SMG6: variants seen among roughly 807,000 people sequenced by gnomAD.
The protein encoded by SMG6 is telomerase-binding protein EST1A.
A neutral mutation model predicts 142.2 loss-of-function variants in SMG6; 66 were observed. That is an observed-to-expected ratio of 0.46 (90% confidence interval 0.38 to 0.57). SMG6 has a LOEUF of 0.57. SMG6 is among the 20% of genes least tolerant of loss of function. SMG6 has a pLI of 0.00. For missense variants in SMG6, 1,793 were observed against 1,832.0 expected, an observed-to-expected ratio of 0.98 and a Z score of 0.39; for synonymous variants, 779 against 702.4, an observed-to-expected ratio of 1.11 and a Z score of -1.72.
chr17:2,114,964 T>TAAAATAAAAAAAA (rs58282463), intron 13 of SMG6, among the ~76,000 whole-genome samples: 3 of 59,578 alleles, frequency 5.0e-5, no homozygotes, highest in Admixed American at 1.9e-4. Context: ...AAAAATGAAA[T>TAAAATAAAAAAAA]GAAATGAAAT....
chr17:2,197,421 C>A (rs763994372), intron 10 of SMG6, among the ~76,000 whole-genome samples: 4 of 151,886 alleles, frequency 2.6e-5, no homozygotes, highest in Non-Finnish European at 5.9e-5. Context: ...ATTTAATTAG[C>A]TGGATGTGGT....
intron 10 of SMG6, among the ~76,000 whole-genome samples, chr17:2,227,814 A>G (rs929023585): frequency 1.3e-5 from 2 of 152,252 alleles, no homozygotes; most frequent in African/African-American, 2.4e-5. Flanking sequence ...GTAACCATCA[A>G]TAGACTCAAT....
chr17:2,111,145 T>C (rs2069304317), intron 13 of SMG6, among the ~76,000 whole-genome samples: 1 of 152,136 alleles, frequency 6.6e-6, no homozygotes, highest in Non-Finnish European at 1.5e-5. Context: ...GCAGGCCCTA[T>C]TCAAACCACC....
In SMG6 at chr17:2,162,636, C is replaced by A. The variant is rs1245923783; in HGVS notation, c.3357+10022G>T. ...CTTGAAGCCAGGAGTTCAAGACCAG[C>A]CTGAGGAACACAGCTGAGATCCTGT... On this transcript the variant is annotated intron_variant, in intron 13 of 18. Coordinates refer to ENST00000263073, the MANE Select transcript of SMG6 (RefSeq NM_017575.5). Among the ~76,000 whole-genome samples, 7 of 151,758 alleles carry A rather than the reference C, an allele frequency of 4.6e-5. No individual in the cohort carries two copies. In the East Asian group the frequency reaches 1.3e-3, roughly 29 times the overall value.
intron 13 of SMG6, among the ~76,000 whole-genome samples, chr17:2,112,122 G>C (rs894963997): frequency 2.0e-5 from 3 of 151,878 alleles, no homozygotes; most frequent in South Asian, 2.1e-4. Context: ...GTCTTCATTA[G>C]GCCTAACTCT....
chr17:2,188,632 TCA>T (rs1413624422), intron 10 of SMG6, 117 bp from the exon 11 acceptor site: 18 of 831,096 alleles, frequency 2.2e-5, no homozygotes, highest in African/African-American at 2.1e-4. Context: ...ATTCCCTCTC[TCA>T]GAGTGGTCAT....
intron 10 of SMG6, among the ~76,000 whole-genome samples, chr17:2,203,293 T>A (rs2072586601): frequency 6.6e-6 from 1 of 152,088 alleles, no homozygotes; most frequent in African/African-American, 2.4e-5. Flanking sequence ...TCAATACACA[T>A]CCCCTCTTGG....
Position 2,298,004 on chromosome 17 carries a change from G to T in SMG6, c.1899C>A (p.Phe633Leu). The change falls in exon 3 of 19, where the codon TTC becomes TTA. Residue 633 changes from phenylalanine to leucine, a missense_variant. By Grantham distance (22) the Phe-to-Leu change is conservative (BLOSUM62 0). This residue lies in a region of SMG6 where 1,597 missense variants were observed against 1,584.6 expected (regional missense o/e 1.01). Coordinates refer to ENST00000263073, the MANE Select transcript of SMG6 (RefSeq NM_017575.5). ...TCTGATCCACATTCTGATTATCAGA[G>T]AACTCAATATCTAATAGAATACAGC... ...YERCILLDIE[F>L]SDNQNVDQIL... is the part of the protein sequence containing the mutation. 1.2e-6 allele frequency: 2 copies of T among 1,613,080 alleles called. No homozygotes were observed. The highest frequency in any genetic ancestry group is 1.7e-6 in the Non-Finnish European group (2 of 1,180,004).
chr17:2,073,643 A>T (rs1481872502), intron 15 of SMG6, among the ~76,000 whole-genome samples: 1 of 120,438 alleles, frequency 8.3e-6, no homozygotes, highest in Non-Finnish European at 1.7e-5. Context: ...CAGGCAGCAG[A>T]GGTTGCTGTG....
intron 13 of SMG6, chr17:2,086,954 A>G (rs1288861838): frequency 8.0e-7 from 1 of 1,249,592 alleles, no homozygotes; most frequent in African/African-American, 1.5e-5. Context: ...GCCACAGGGG[A>G]CGGCCCCTTC....
chr17:2,284,105 A>T (rs2074851476), intron 6 of SMG6, among the ~76,000 whole-genome samples: 2 of 152,228 alleles, frequency 1.3e-5, no homozygotes, highest in Admixed American at 6.5e-5. Flanking sequence ...TAATGAAATC[A>T]CGAAATTACA....
intron 4 of SMG6, 103 bp from the exon 5 acceptor site, chr17:2,293,080 A>C: frequency 5.0e-6 from 4 of 804,032 alleles, no homozygotes; most frequent in Non-Finnish European, 8.7e-6. Flanking sequence ...CTCGTAAGGC[A>C]CTAGCGGTCC....
intron 13 of SMG6, among the ~76,000 whole-genome samples, chr17:2,165,250 G>A (rs2151634385): frequency 6.6e-6 from 1 of 151,598 alleles, no homozygotes; most frequent in African/African-American, 2.4e-5. Flanking sequence ...GAAGGTGACA[G>A]GACACTGCAG....
chr17:2,070,433 A>C (rs2068069558), intron 15 of SMG6, among the ~76,000 whole-genome samples: 1 of 152,180 alleles, frequency 6.6e-6, no homozygotes, highest in African/African-American at 2.4e-5. Flanking sequence ...GCCTTCTGCC[A>C]CAGAGCAACT....
At chr17:2,083,357 G>T (rs2068475413) in intron 14 of SMG6, among the ~76,000 whole-genome samples, 1 of 152,182 alleles carries the variant, frequency 6.6e-6, no homozygotes, top group African/African-American at 2.4e-5. Context: ...AGAATCTAGG[G>T]GTGTTTTGGT....
chr17:2,293,625 A>G (rs1238321457), intron 4 of SMG6, among the ~76,000 whole-genome samples: 3 of 152,066 alleles, frequency 2.0e-5, no homozygotes, highest in Non-Finnish European at 4.4e-5. Flanking sequence ...ATGCGCCACC[A>G]TGCCTGGCTA....
At chr17:2,201,758 T>C (rs1005444921) in intron 10 of SMG6, among the ~76,000 whole-genome samples, 3 of 151,782 alleles carry the variant, frequency 2.0e-5, no homozygotes, top group Admixed American at 2.0e-4. Flanking sequence ...GTGCGGTGGC[T>C]CATGGCTGTA....
intron 10 of SMG6, among the ~76,000 whole-genome samples, chr17:2,219,697 G>C (rs1365876882): frequency 2.0e-5 from 3 of 151,572 alleles, no homozygotes; most frequent in Non-Finnish European, 4.4e-5. Context: ...GCTGAGATGG[G>C]AGGACTGCTT....
Position 2,236,582 on chromosome 17 carries a change from G to A in SMG6, c.2779C>T (p.Leu927=), listed in dbSNP as rs2073660968. The change falls in exon 10 of 19, where the codon CTG becomes TTG. Residue 927 remains leucine, a synonymous_variant. Coordinates refer to ENST00000263073, the MANE Select transcript of SMG6 (RefSeq NM_017575.5). ...CCAATGGGAGAGGGGCTGTGCTGCA[G>A]TAACACCTGGAACTCCTTGAGGACC... The part of the protein sequence containing the change: ...EKVLKEFQVL[L]QHSPSPIGST... 6.2e-7 allele frequency: 1 copy of A among 1,613,818 alleles called. No homozygotes were observed. Among genetic ancestry groups the A allele is most frequent in the Non-Finnish European group, 8.5e-7 (1 of 1,179,906 alleles).
Sources: gnomAD v4.1 joint callset for allele counts (sites outside exome capture counted in the v4.1 genomes callset) on GRCh38, gnomAD v4.1.1 for gene constraint, gnomAD v4.1.1 regional missense constraint, MANE v1.5 for transcripts, NCBI Gene and HGNC (gene_info 2026-07-23, HGNC 2026-07-21) for gene names.